GALNT7: variants seen among roughly 807,000 people sequenced by gnomAD.
GALNT7 encodes N-acetylgalactosaminyltransferase 7.
In GALNT7, 60 loss-of-function variants were observed where a neutral mutation model predicts 82.1. The observed-to-expected ratio is 0.73, with a 90% CI of 0.59 to 0.91. The LOEUF (loss-of-function observed/expected upper bound fraction) is 0.91. Among genes scored for constraint, GALNT7 ranks in the 40% least tolerant of loss-of-function variants. The pLI is 0.00. For synonymous variants in GALNT7, 243 were observed against 275.1 expected (o/e 0.88, Z 1.15); for missense variants, 660 against 804.2 (o/e 0.82, Z 2.17).
At chr4:173,311,626 AG>A (rs1737388240) in intron 8 of GALNT7, among the ~76,000 whole-genome samples, 1 of 152,156 alleles carries the variant, frequency 6.6e-6, no homozygotes, top group Non-Finnish European at 1.5e-5. Context: ...CAGAGTCACA[AG>A]GACAGTGTGG....
chr4:173,178,060 C>A (rs1215520778), intron 1 of GALNT7, among the ~76,000 whole-genome samples: 2 of 123,624 alleles, frequency 1.6e-5, no homozygotes, highest in East Asian at 4.2e-4. Flanking sequence ...TGTGCGCGCA[C>A]GCGCGTGCGC....
intron 2 of GALNT7, among the ~76,000 whole-genome samples, chr4:173,269,492 C>G (rs1735641332): frequency 6.6e-6 from 1 of 152,138 alleles, no homozygotes; most frequent in Non-Finnish European, 1.5e-5. Flanking sequence ...GTCTTTTGCA[C>G]TGATTGGAAT....
chr4:173,266,501 TGTA>T (rs1324133476), intron 2 of GALNT7, among the ~76,000 whole-genome samples: 2 of 152,148 alleles, frequency 1.3e-5, no homozygotes, highest in Non-Finnish European at 2.9e-5. Flanking sequence ...TAGTTTTAAT[TGTA>T]GTATTTTTGA....
intron 1 of GALNT7, among the ~76,000 whole-genome samples, chr4:173,180,118 A>G (rs1469572090): frequency 6.6e-6 from 1 of 152,190 alleles, no homozygotes; most frequent in East Asian, 1.9e-4. Flanking sequence ...GCATCATTAT[A>G]GGAAGATTCC....
chr4:173,257,453 C>T (rs1735085748), intron 2 of GALNT7, among the ~76,000 whole-genome samples: 1 of 152,120 alleles, frequency 6.6e-6, no homozygotes, highest in African/African-American at 2.4e-5. Flanking sequence ...TAGATTTAGT[C>T]TTTCATCATT....
At chr4:173,219,700 G>A (rs943029359) in intron 1 of GALNT7, among the ~76,000 whole-genome samples, 6 of 152,024 alleles carry the variant, frequency 3.9e-5, no homozygotes, top group African/African-American at 1.4e-4. Context: ...CAGGAATAAG[G>A]TGGTATCACA....
At chr4:173,178,052 T>TGTGTGTGTGTGTGTGCGCGCGCGCGCGC (rs563102408) in intron 1 of GALNT7, among the ~76,000 whole-genome samples, 2 of 129,510 alleles carry the variant, frequency 1.5e-5, no homozygotes, top group Admixed American at 7.7e-5. Context: ...TGTGTGTGTG[T>TGTGTGTGTGTGTGTGCGCGCGCGCGCGC]GCGCGCACGC....
chr4:173,273,680 G>A (rs557210212), intron 2 of GALNT7, among the ~76,000 whole-genome samples: 32 of 152,254 alleles, frequency 2.1e-4, no homozygotes, highest in African/African-American at 6.3e-4. Flanking sequence ...TGTGCACACA[G>A]GAGCCCTTGA....
At chr4:173,259,598 A>G (rs1449600616) in intron 2 of GALNT7, among the ~76,000 whole-genome samples, 1 of 151,936 alleles carries the variant, frequency 6.6e-6, no homozygotes. Flanking sequence ...CTCCTCTTGA[A>G]TTATCCTCCT....
chr4:173,181,000 G>T (rs1005807000), intron 1 of GALNT7, among the ~76,000 whole-genome samples: 14 of 152,126 alleles, frequency 9.2e-5, no homozygotes, highest in African/African-American at 2.9e-4. Flanking sequence ...GCTAGTTCTT[G>T]CCAGGATGAT....
intron 8 of GALNT7, among the ~76,000 whole-genome samples, chr4:173,304,533 G>A (rs189692520): frequency 9.2e-5 from 14 of 151,868 alleles, no homozygotes; most frequent in East Asian, 5.8e-4. Context: ...CATGTATTAC[G>A]TCACCTACTT....
At chr4:173,301,960 G>A in intron 6 of GALNT7, 87 bp from the exon 7 acceptor site, 1 of 683,742 alleles carries the variant, frequency 1.5e-6, no homozygotes, top group Non-Finnish European at 2.6e-6. Flanking sequence ...GCATTTTCAG[G>A]CTGTATTCTA....
At chr4:173,172,261 C>T (rs1450539403) in intron 1 of GALNT7, among the ~76,000 whole-genome samples, 3 of 152,176 alleles carry the variant, frequency 2.0e-5, no homozygotes, top group Non-Finnish European at 2.9e-5. Flanking sequence ...TGTCTGCATG[C>T]GCAGTGGCCT....
chr4:173,304,385 C>T (rs1737067918), intron 8 of GALNT7, among the ~76,000 whole-genome samples: 1 of 150,934 alleles, frequency 6.6e-6, no homozygotes, highest in South Asian at 2.1e-4. Context: ...GATGACAGAA[C>T]GAGACCCCAT....
intron 1 of GALNT7, among the ~76,000 whole-genome samples, chr4:173,184,259 G>A (rs1425794293): frequency 1.3e-5 from 2 of 152,054 alleles, no homozygotes; most frequent in East Asian, 3.9e-4. Flanking sequence ...GCTGGGAGGT[G>A]GAGGTTGTAG....
chr4:173,255,829 G>T (rs1195043835), intron 2 of GALNT7, among the ~76,000 whole-genome samples: 1 of 152,192 alleles, frequency 6.6e-6, no homozygotes, highest in Non-Finnish European at 1.5e-5. Flanking sequence ...GTGCATGGCG[G>T]AACACACGCC....
chr4:173,302,025 T>C lies in GALNT7; in HGVS notation c.1149-22T>C. On this transcript the variant is annotated intron_variant, in intron 6 of 11. Coordinates refer to ENST00000265000, the MANE Select transcript of GALNT7 (RefSeq NM_017423.3). The surrounding 1 kb of genome is among the most constrained non-coding windows in gnomAD (Gnocchi z 4.2). ...ATTGGGGGTTTGTCTGTAATGGTTA[T>C]TGCAGTGTTTCTTTTTCTTAGGTCC... 2 of 1,062,158 alleles carry C rather than the reference T, an allele frequency of 1.9e-6. No homozygotes were observed. The highest frequency in any genetic ancestry group is 3.0e-6 in the Non-Finnish European group (2 of 677,412). The allele number at this position is 1,062,158 out of a possible 1,614,324, so 65.8% of individuals were successfully genotyped here.
In GALNT7 at chr4:173,168,945, C is replaced by A. The variant is rs935972665; in HGVS notation, c.110C>A (p.Pro37Gln). Residue 37 changes from proline to glutamine, a missense_variant, in exon 1 of 12, where the codon CCG becomes CAG. This residue lies in a region of GALNT7 where 133 missense variants were observed against 120.7 expected (regional missense o/e 1.10). Transcript: ENST00000265000. ...SLTPRPDDPSPLSRMREDRDV... is the reference protein window; with the variant it reads ...SLTPRPDDPSQLSRMREDRDV... ...ACCCCGCGGCCGGACGACCCAAGCC[C>A]GCTGAGCAGGATGAGGGTGAGTGAC... The A allele has an allele frequency of 1.9e-6, 3 of 1,613,456 alleles. No individual in the cohort carries two copies. The highest frequency in any genetic ancestry group is 2.5e-6 in the Non-Finnish European group (3 of 1,179,734).
At chr4:173,300,902 G>A (rs984595061) in intron 6 of GALNT7, among the ~76,000 whole-genome samples, 1 of 152,122 alleles carries the variant, frequency 6.6e-6, no homozygotes, top group African/African-American at 2.4e-5. Flanking sequence ...GGGAGGCCTA[G>A]GCAGGTGGAA....
Sources: gnomAD v4.1 joint callset for allele counts (sites outside exome capture counted in the v4.1 genomes callset) on GRCh38, gnomAD v4.1.1 for gene constraint, gnomAD v4.1.1 regional missense constraint, Gnocchi (gnomAD v3.1) non-coding constraint, MANE v1.5 for transcripts, NCBI Gene and HGNC (gene_info 2026-07-23, HGNC 2026-07-21) for gene names.